The following GALNTL6 variants were observed in gnomAD, a reference collection of about 807,000 sequenced individuals.
GALNTL6 encodes the protein polypeptide N-acetylgalactosaminyltransferase-like 6.
In GALNTL6, 46 loss-of-function variants were observed where a neutral mutation model predicts 73.7. The observed-to-expected ratio is 0.62, with a 90% CI of 0.49 to 0.80. GALNTL6 has a LOEUF of 0.80. Ranked by LOEUF, GALNTL6 falls within the 30% of genes least tolerant of loss-of-function variation. GALNTL6 has a pLI of 0.00. For missense variants in GALNTL6, 604 were observed against 755.0 expected (o/e 0.80, Z 2.34); for synonymous variants, 259 against 263.7 (o/e 0.98, Z 0.17).
At chr4:172,956,544 G>A (rs765157566) in intron 10 of GALNTL6, among the ~76,000 whole-genome samples, 19 of 152,266 alleles carry the variant, frequency 1.2e-4, no homozygotes, top group Middle Eastern at 3.4e-3. Flanking sequence ...GAGAAGCAGT[G>A]AAAACCGGCA....
chr4:172,735,178 A>G (rs1048610857), intron 5 of GALNTL6, among the ~76,000 whole-genome samples: 1 of 152,160 alleles, frequency 6.6e-6, no homozygotes, highest in Non-Finnish European at 1.5e-5. Context: ...AAAGCTGCAG[A>G]CACTCAACAC....
chr4:172,473,021 T>C (rs931375120), intron 5 of GALNTL6, among the ~76,000 whole-genome samples: 36 of 152,202 alleles, frequency 2.4e-4, no homozygotes, highest in Non-Finnish European at 4.7e-4. Flanking sequence ...ATTCTTGATA[T>C]ATCTGAATTT....
chr4:172,802,543 C>T (rs1031580872), intron 5 of GALNTL6, among the ~76,000 whole-genome samples: 3 of 152,152 alleles, frequency 2.0e-5, no homozygotes, highest in Non-Finnish European at 4.4e-5. Context: ...CACCTGTAAT[C>T]CCAGCACTTT....
chr4:172,987,192 T>C (rs1458692061), intron 10 of GALNTL6, among the ~76,000 whole-genome samples: 4 of 152,084 alleles, frequency 2.6e-5, no homozygotes, highest in Non-Finnish European at 5.9e-5. Context: ...GACTGAATAA[T>C]TTATAAAGGA....
intron 5 of GALNTL6, among the ~76,000 whole-genome samples, chr4:172,680,834 C>A (rs912371562): frequency 6.6e-6 from 1 of 152,170 alleles, no homozygotes; most frequent in Admixed American, 6.5e-5. Flanking sequence ...TGATTCCCTG[C>A]AGAATGCAAG....
intron 5 of GALNTL6, among the ~76,000 whole-genome samples, chr4:172,564,466 T>TC (rs1348251060): frequency 6.6e-6 from 1 of 152,170 alleles, no homozygotes; most frequent in African/African-American, 2.4e-5. Flanking sequence ...TCCAATTTTT[T>TC]CTGAAAAAGA....
chr4:172,487,026 G>A (rs1246243370), intron 5 of GALNTL6, among the ~76,000 whole-genome samples: 1 of 152,152 alleles, frequency 6.6e-6, no homozygotes, highest in Non-Finnish European at 1.5e-5. Flanking sequence ...CTATATACTT[G>A]TAACTTAATG....
intron 5 of GALNTL6, among the ~76,000 whole-genome samples, chr4:172,424,458 C>T (rs368283448): frequency 6.6e-6 from 1 of 152,078 alleles, no homozygotes. Context: ...TAACTGTAAT[C>T]ATTAGAGGAA....
chr4:172,452,896 T>C (rs2111425835), intron 5 of GALNTL6, among the ~76,000 whole-genome samples: 1 of 152,294 alleles, frequency 6.6e-6, no homozygotes, highest in African/African-American at 2.4e-5. Context: ...AGAAATTAAA[T>C]GATTATGTAA....
chr4:171,919,942 A>C (rs921839804), intron 2 of GALNTL6, among the ~76,000 whole-genome samples: 2 of 152,204 alleles, frequency 1.3e-5, no homozygotes, highest in African/African-American at 4.8e-5. Flanking sequence ...AAGCTGCTAT[A>C]AAGACACATG....
chr4:172,313,856 A>G (rs1740451993), intron 4 of GALNTL6, among the ~76,000 whole-genome samples: 1 of 152,228 alleles, frequency 6.6e-6, no homozygotes, highest in South Asian at 2.1e-4. Context: ...ATGGATAAAA[A>G]GAAAGTGTTA....
chr4:172,120,738 C>G (rs981588958), intron 2 of GALNTL6, among the ~76,000 whole-genome samples: 9 of 152,188 alleles, frequency 5.9e-5, no homozygotes, highest in African/African-American at 2.2e-4. Context: ...AATTCTGAAA[C>G]TTTCCTGTCA....
At chr4:172,602,355 A>C (rs1738091105) in intron 5 of GALNTL6, among the ~76,000 whole-genome samples, 1 of 152,130 alleles carries the variant, frequency 6.6e-6, no homozygotes, top group Non-Finnish European at 1.5e-5. Flanking sequence ...CAAAACTTTA[A>C]AACAAAAATA....
intron 5 of GALNTL6, among the ~76,000 whole-genome samples, chr4:172,569,776 T>C (rs1267573280): frequency 6.6e-6 from 1 of 151,804 alleles, no homozygotes; most frequent in East Asian, 1.9e-4. Flanking sequence ...GCAGCAAAGC[T>C]ATCAAGGAAA....
intron 3 of GALNTL6, among the ~76,000 whole-genome samples, chr4:172,282,932 CAAGGAAGAAATT>C (rs1182159129): frequency 6.6e-6 from 1 of 152,104 alleles, no homozygotes; most frequent in Non-Finnish European, 1.5e-5. Context: ...TTTCTTAAGA[CAAGGAAGAAATT>C]AAGTGAACTT....
intron 2 of GALNTL6, among the ~76,000 whole-genome samples, chr4:171,878,214 A>G (rs1172910759): frequency 6.6e-6 from 1 of 152,206 alleles, no homozygotes; most frequent in African/African-American, 2.4e-5. Context: ...CAAACCAGGA[A>G]ACTTTTGAGA....
intron 11 of GALNTL6, among the ~76,000 whole-genome samples, chr4:173,012,020 C>T (rs1325750524): frequency 6.6e-6 from 1 of 152,226 alleles, no homozygotes; most frequent in Non-Finnish European, 1.5e-5. Flanking sequence ...CCTCTTGCCT[C>T]AGCAGCCTGA....
rs1420412051 is a variant in GALNTL6 at position 172,774,492 on chromosome 4, G to A, written c.554-34869G>A. Among the ~76,000 whole-genome samples the A allele has an allele frequency of 3.3e-5, 5 of 152,138 alleles. 1 individual carries two copies. The South Asian group carries it at 8.3e-4, about 25-fold the overall frequency. On this transcript the variant is annotated intron_variant, in intron 5 of 12. Transcript: ENST00000506823. Reference sequence around the variant, plus strand: ...ATAAAACAATATTGAAGATTACTTCGATAGAAGTTTATCTCTTATGAAGGG... The same window carrying A: ...ATAAAACAATATTGAAGATTACTTCAATAGAAGTTTATCTCTTATGAAGGG...
At chr4:172,926,204 C>T (rs1216606092) in intron 8 of GALNTL6, among the ~76,000 whole-genome samples, 1 of 152,096 alleles carries the variant, frequency 6.6e-6, no homozygotes, top group Admixed American at 6.5e-5. Context: ...TGAGAGAGCT[C>T]TCTGGGGTCT....
Sources: gnomAD v4.1 joint callset for allele counts (sites outside exome capture counted in the v4.1 genomes callset) on GRCh38, gnomAD v4.1.1 for gene constraint, MANE v1.5 for transcripts, NCBI Gene and HGNC (gene_info 2026-07-23, HGNC 2026-07-21) for gene names.